SLC36A1: variants seen among roughly 807,000 people sequenced by gnomAD.
SLC36A1 encodes the protein solute carrier family 36 member 1.
SLC36A1 carries 30 observed loss-of-function variants against 47.5 expected under a neutral mutation model. The observed-to-expected ratio is 0.63, with a 90% CI of 0.47 to 0.86. The LOEUF (loss-of-function observed/expected upper bound fraction) is 0.86. Among genes scored for constraint, SLC36A1 ranks in the 40% least tolerant of loss-of-function variants. The probability of loss-of-function intolerance (pLI) is 0.00; values close to 1 mark genes in which losing one functional copy is unlikely to be tolerated. For missense variants in SLC36A1, 517 were observed against 606.0 expected, an observed-to-expected ratio of 0.85 and a Z score of 1.54; for synonymous variants, 255 against 249.7, an observed-to-expected ratio of 1.02 and a Z score of -0.20.
At chr5:151,431,111 A>G in the SLC36A1 span, 2 of 152,158 alleles carry the variant, frequency 1.3e-5, no homozygotes, top group Non-Finnish European at 2.9e-5. Context: ...TTCATGGAGC[A>G]TTATTTTTGC....
the SLC36A1 span, chr5:151,517,674 G>A: frequency 6.2e-7 from 1 of 1,614,200 alleles, no homozygotes; most frequent in Admixed American, 1.7e-5. Flanking sequence ...CCTGTGGCTG[G>A]AGTGTTTTCA....
At chr5:151,416,764 A>AT in the SLC36A1 span, among the ~76,000 whole-genome samples, 1 of 152,168 alleles carries the variant, frequency 6.6e-6, no homozygotes, top group South Asian at 2.1e-4. Context: ...ATATGGTTAG[A>AT]TTTTGTGTCT....
intron 1 of SLC36A1, among the ~76,000 whole-genome samples, chr5:151,441,939 C>G (rs1377238109): frequency 2.0e-5 from 3 of 152,146 alleles, no homozygotes; most frequent in Non-Finnish European, 4.4e-5. Flanking sequence ...TCTCCTGTCT[C>G]TCCTCCGCAT....
the SLC36A1 span, chr5:151,511,884 C>T: frequency 2.3e-5 from 11 of 471,838 alleles, no homozygotes; most frequent in African/African-American, 5.8e-5. Flanking sequence ...AGTGATGACA[C>T]TAAGGTATGT....
chr5:151,391,143 C>T, the SLC36A1 span, among the ~76,000 whole-genome samples: 7 of 151,984 alleles, frequency 4.6e-5, no homozygotes, highest in Non-Finnish European at 1.0e-4. Flanking sequence ...AAGTTGGATT[C>T]CTAGGTATTT....
At chr5:151,391,758 G>A in the SLC36A1 span, among the ~76,000 whole-genome samples, 1 of 152,216 alleles carries the variant, frequency 6.6e-6, no homozygotes, top group African/African-American at 2.4e-5. Context: ...AAGCCCACTT[G>A]ATCATGGTGG....
chr5:151,452,109 C>T (rs1409347666), intron 1 of SLC36A1, among the ~76,000 whole-genome samples: 2 of 152,188 alleles, frequency 1.3e-5, no homozygotes, highest in Admixed American at 1.3e-4. Context: ...TTTGCCTGTT[C>T]AGCAGCTGCT....
the SLC36A1 span, among the ~76,000 whole-genome samples, chr5:151,421,488 C>T: frequency 6.6e-6 from 1 of 151,964 alleles, no homozygotes; most frequent in Admixed American, 6.6e-5. Context: ...GTGATCCACC[C>T]ACCTCAGCCT....
chr5:151,369,041 T>C, the SLC36A1 span, among the ~76,000 whole-genome samples: 5 of 152,214 alleles, frequency 3.3e-5, no homozygotes, highest in African/African-American at 1.2e-4. Context: ...TATAACCCTT[T>C]AAATGATTTC....
chr5:151,364,654 G>C, the SLC36A1 span, among the ~76,000 whole-genome samples: 3 of 152,174 alleles, frequency 2.0e-5, no homozygotes, highest in Non-Finnish European at 4.4e-5. Context: ...AGGTCACTGA[G>C]AGATTTAGTC....
chr5:151,451,728 A>G (rs1478620708), intron 1 of SLC36A1, among the ~76,000 whole-genome samples: 1 of 152,160 alleles, frequency 6.6e-6, no homozygotes, highest in African/African-American at 2.4e-5. Flanking sequence ...ACTGTGGCAA[A>G]GGGAGATGAA....
chr5:151,367,008 T>C, the SLC36A1 span, among the ~76,000 whole-genome samples: 1 of 151,892 alleles, frequency 6.6e-6, no homozygotes, highest in Non-Finnish European at 1.5e-5. Context: ...GCAGAACCAC[T>C]AATAAGGGTC....
chr5:151,506,850 C>T, the SLC36A1 span, among the ~76,000 whole-genome samples: 1 of 152,176 alleles, frequency 6.6e-6, no homozygotes. Flanking sequence ...CACAAATGTG[C>T]AGAAGCCCCC....
At chr5:151,407,692 C>G in the SLC36A1 span, among the ~76,000 whole-genome samples, 2 of 152,196 alleles carry the variant, frequency 1.3e-5, no homozygotes, top group African/African-American at 4.8e-5. Flanking sequence ...GTATATAATA[C>G]AGTGGGGTGT....
At chr5:151,522,226 A>AT in the SLC36A1 span, 1 of 596,608 alleles carries the variant, frequency 1.7e-6, no homozygotes, top group Non-Finnish European at 2.8e-6. Context: ...TGTTGCATTT[A>AT]GAAAAAAAAA....
At chr5:151,546,395 C>T in the SLC36A1 span, 1 of 1,330,338 alleles carries the variant, frequency 7.5e-7, no homozygotes. Flanking sequence ...ATCAGCTAGG[C>T]TTTCTAGATC....
chr5:151,347,604 G>C, the SLC36A1 span: 1 of 950,710 alleles, frequency 1.1e-6, no homozygotes, highest in African/African-American at 1.6e-5. Flanking sequence ...ACGAGGCCCC[G>C]CCCACCTCCC....
the SLC36A1 span, among the ~76,000 whole-genome samples, chr5:151,372,767 T>C: frequency 6.6e-6 from 1 of 152,112 alleles, no homozygotes; most frequent in African/African-American, 2.4e-5. Flanking sequence ...AAGTTATCAG[T>C]GGACTCAATG....
At chr5:151,542,259 C>T in the SLC36A1 span, 2 of 1,547,552 alleles carry the variant, frequency 1.3e-6, no homozygotes, top group Non-Finnish European at 1.7e-6. Context: ...ATTCCAGAGC[C>T]TGCAGTCCAT....
Sources: gnomAD v4.1 joint callset for allele counts (sites outside exome capture counted in the v4.1 genomes callset) on GRCh38, gnomAD v4.1.1 for gene constraint, MANE v1.5 for transcripts, NCBI Gene and HGNC (gene_info 2026-07-23, HGNC 2026-07-21) for gene names.